The following TAPBP variants were observed in gnomAD, a reference collection of about 807,000 sequenced individuals.
The protein encoded by TAPBP is tapasin.
TAPBP carries 38 observed loss-of-function variants against 45.7 expected under a neutral mutation model. That is an observed-to-expected ratio of 0.83 (90% CI 0.64 to 1.09). TAPBP has a LOEUF of 1.09. TAPBP is among the 50% of genes least tolerant of loss of function. The pLI is 0.00. For synonymous variants in TAPBP, 226 were observed against 254.8 expected (o/e 0.89, Z 1.08); for missense variants, 513 against 587.3 (o/e 0.87, Z 1.31).
chr6:33,304,017 G>C, intron 6 of TAPBP, 28 bp from the exon 7 acceptor site: 1 of 1,613,856 alleles, frequency 6.2e-7, no homozygotes, highest in African/African-American at 1.3e-5. Flanking sequence ...GAAGGGATGG[G>C]ATGCTGGAGT....
intron 3 of TAPBP, among the ~76,000 whole-genome samples, chr6:33,307,394 CTTTTTTTT>C (rs9280398): frequency 3.4e-5 from 3 of 88,738 alleles, no homozygotes. Flanking sequence ...AGCCCTGCTT[CTTTTTTTT>C]TTTTTTTTTT....
At chr6:33,310,505 CAAAAAAAAAAA>C (rs9280402) in intron 3 of TAPBP, among the ~76,000 whole-genome samples, 1 of 47,858 alleles carries the variant, frequency 2.1e-5, no homozygotes, top group African/African-American at 8.8e-5. Context: ...GACTCTGTCT[CAAAAAAAAAAA>C]AAAAAAAAAA....
chr6:33,299,768 G>C lies in TAPBP; in HGVS notation c.*1992C>G, dbSNP rs929633777. 6.6e-6 allele frequency: 1 copy of C among 152,374 alleles called. No homozygotes were observed. Among genetic ancestry groups the C allele is most frequent in the African/African-American group, 2.4e-5 (1 of 41,464 alleles). The allele number at this position is 152,374 out of a possible 1,614,324, so 9.4% of individuals were successfully genotyped here. On this transcript the variant is annotated 3_prime_UTR_variant, in exon 8 of 8. Coordinates refer to ENST00000434618, the MANE Select transcript of TAPBP (RefSeq NM_003190.5). This position sits in a 1 kb window ranked among gnomAD's most constrained non-coding sequence, Gnocchi z 5.0. ...CCCCGTGGGTCTGGCCGACCGTCCTGACTCGGAGATCCCTGAGCTGCGCCG... is the reference window on the plus strand; with the variant it reads ...CCCCGTGGGTCTGGCCGACCGTCCTCACTCGGAGATCCCTGAGCTGCGCCG...
At chr6:33,307,850 G>T (rs2150965694) in intron 3 of TAPBP, among the ~76,000 whole-genome samples, 1 of 152,290 alleles carries the variant, frequency 6.6e-6, no homozygotes, top group East Asian at 1.9e-4. Flanking sequence ...TGCATATAAA[G>T]TGCTTAGAAC....
At chr6:33,308,334 G>A (rs974675796) in intron 3 of TAPBP, among the ~76,000 whole-genome samples, 2 of 151,970 alleles carry the variant, frequency 1.3e-5, no homozygotes, top group African/African-American at 2.4e-5. Flanking sequence ...GTGAAACTCC[G>A]TCTCAAAAAA....
At chr6:33,303,552 C>A (rs1414718493) in intron 7 of TAPBP, 1 of 605,462 alleles carries the variant, frequency 1.7e-6, no homozygotes, top group Non-Finnish European at 2.8e-6. Flanking sequence ...CTGAAAAAAT[C>A]CAACATCCAA....
chr6:33,305,370 T>C lies in TAPBP; in HGVS notation c.487A>G (p.Thr163Ala), dbSNP rs544845545. 6.6e-7 allele frequency: 1 copy of C among 1,526,044 alleles called. No homozygotes were observed. The highest frequency in any genetic ancestry group is 1.4e-5 in the African/African-American group (1 of 71,428). 94.5% of individuals were successfully genotyped at this position (1,526,044 alleles called of 1,614,324 possible). ...TMATVVLTVL[T>A]HTPAPRVRLG... ...CTCACTCGAGGGGCAGGGGTGTGGG[T>C]GAGGACAGTCAGTACCACTGAGGAA... Residue 163 changes from threonine (T) to alanine (A), a missense_variant, in exon 4 of 8, where the codon ACC (threonine) becomes GCC (alanine). Physicochemically the swap from Thr to Ala is moderately conservative, Grantham distance 58. Transcript: ENST00000434618. The surrounding 1 kb of genome is among the most constrained non-coding windows in gnomAD (Gnocchi z 4.4).
Position 33,313,429 on chromosome 6 carries a change from G to A in TAPBP, c.257C>T (p.Ala86Val), listed in dbSNP as rs753548923. The change falls in exon 3 of 8, where the codon GCC becomes GTC. Residue 86 changes from alanine to valine, a missense_variant. Physicochemically the swap from Ala to Val is moderately conservative, Grantham distance 64 (BLOSUM62 0). Coordinates refer to ENST00000434618, the MANE Select transcript of TAPBP (RefSeq NM_003190.5). This position sits in a 1 kb window ranked among gnomAD's most constrained non-coding sequence, Gnocchi z 7.2. ...QAAFRRYPRG[A>V]PAPHCEMSRF... is the part of the protein sequence containing the mutation. ...GCTCATCTCGCAGTGTGGTGCGGGG[G>A]CGCCCCGGGGATACCGCCTGAAGGC... is the stretch of plus-strand genomic sequence containing the variant. 2 of 1,600,322 alleles carry A rather than the reference G, an allele frequency of 1.2e-6. No homozygotes were observed. Among genetic ancestry groups the A allele is most frequent in the East Asian group, 2.3e-5 (1 of 44,434 alleles).
At chr6:33,306,416 C>G (rs975117108) in intron 3 of TAPBP, among the ~76,000 whole-genome samples, 5 of 152,228 alleles carry the variant, frequency 3.3e-5, no homozygotes, top group South Asian at 2.1e-4. Context: ...GAATGGTGAA[C>G]AAGACAAGCA....
In TAPBP at chr6:33,313,711, A is replaced by G. The variant is rs1254441707; in HGVS notation, c.191T>C (p.Leu64Pro). The G allele has an allele frequency of 1.2e-6, 2 of 1,612,992 alleles. No homozygotes were observed. ...PPPRPDLDPELYLSVHDPAGA... is the reference protein window; with the variant it reads ...PPPRPDLDPEPYLSVHDPAGA... ...AGACTCACCGTGTACACTGAGATAGAGCTCAGGGTCGAGGTCCGGCCGGGG... is the reference window on the plus strand; with the variant it reads ...AGACTCACCGTGTACACTGAGATAGGGCTCAGGGTCGAGGTCCGGCCGGGG... Residue 64 changes from leucine to proline, a missense_variant, in exon 2 of 8, where the codon CTC becomes CCC. Physicochemically the swap from Leu to Pro is moderately conservative, Grantham distance 98. Coordinates refer to ENST00000434618, the MANE Select transcript of TAPBP (RefSeq NM_003190.5). The surrounding 1 kb of genome is among the most constrained non-coding windows in gnomAD (Gnocchi z 7.2).
intron 7 of TAPBP, among the ~76,000 whole-genome samples, chr6:33,303,011 A>G (rs1237413069): frequency 6.6e-6 from 1 of 152,216 alleles, no homozygotes; most frequent in Non-Finnish European, 1.5e-5. Flanking sequence ...TCGCCGATCC[A>G]AAACTCTAAA....
At chr6:33,309,810 C>T (rs575580895) in intron 3 of TAPBP, among the ~76,000 whole-genome samples, 36 of 149,026 alleles carry the variant, frequency 2.4e-4, no homozygotes, top group African/African-American at 7.7e-4. Flanking sequence ...CTGCAACCTC[C>T]GCCTCCCAGG....
In TAPBP at chr6:33,303,993, T is replaced by G; in HGVS notation, c.1301-4A>C. On this transcript the variant is annotated splice_region_variant and splice_polypyrimidine_tract_variant and intron_variant, in intron 6 of 7. Transcript: ENST00000434618. Reference sequence around the variant, plus strand: ...TTGCAGGTGGACAGGTAGACAGCTGTGGGGAAAGATTGAGAAGGGATGGGA... The same window carrying G: ...TTGCAGGTGGACAGGTAGACAGCTGGGGGGAAAGATTGAGAAGGGATGGGA... 6.2e-7 allele frequency: 1 copy of G among 1,613,328 alleles called. No individual in the cohort carries two copies. Among genetic ancestry groups the G allele is most frequent in the Non-Finnish European group, 8.5e-7 (1 of 1,179,850 alleles).
chr6:33,311,794 A>C (rs191049384), intron 3 of TAPBP, among the ~76,000 whole-genome samples: 96 of 152,238 alleles, frequency 6.3e-4, no homozygotes, highest in African/African-American at 2.2e-3. Flanking sequence ...TCCGTGGCAA[A>C]TACGCCCAGA....
In TAPBP at chr6:33,305,196, T is replaced by C. The variant is rs1461036642; in HGVS notation, c.661A>G (p.Thr221Ala). ...LGKGHLLLAA[T>A]PGLNGQMPAA... The stretch of plus-strand genomic sequence containing the variant: ...GGCATCTGGCCATTCAGCCCAGGAG[T>C]TGCAGCCAGGAGCAGATGTCCCTTA... Residue 221 changes from threonine (T) to alanine (A), a missense_variant, in exon 4 of 8, where the codon ACT becomes GCT. Physicochemically the swap from Thr to Ala is moderately conservative, Grantham distance 58. Transcript: ENST00000434618. This position sits in a 1 kb window ranked among gnomAD's most constrained non-coding sequence, Gnocchi z 4.4. The C allele has an allele frequency of 6.2e-7, 1 of 1,613,668 alleles. No homozygotes were observed. The highest frequency in any genetic ancestry group is 1.7e-5 in the Admixed American group (1 of 59,976).
At chr6:33,309,362 G>A (rs1424395340) in intron 3 of TAPBP, among the ~76,000 whole-genome samples, 1 of 148,002 alleles carries the variant, frequency 6.8e-6, no homozygotes, top group Non-Finnish European at 1.5e-5. Context: ...TCCAGACTGG[G>A]CAACAAGAGC....
intron 3 of TAPBP, among the ~76,000 whole-genome samples, chr6:33,311,610 CAA>C (rs1353329279): frequency 1.3e-5 from 2 of 152,062 alleles, no homozygotes; most frequent in African/African-American, 4.8e-5. Flanking sequence ...GCCTGGGCAA[CAA>C]GAGCAAAACT....
intron 6 of TAPBP, 47 bp downstream of exon 6, chr6:33,304,081 A>G (rs775432139): frequency 1.2e-6 from 2 of 1,610,100 alleles, no homozygotes; most frequent in African/African-American, 1.3e-5. Flanking sequence ...GTAGGTGGGG[A>G]AAGTCCACCA....
At chr6:33,304,919 T>C in intron 4 of TAPBP, 70 bp downstream of exon 4, 1 of 1,569,924 alleles carries the variant, frequency 6.4e-7, no homozygotes, top group South Asian at 1.2e-5. Context: ...CCATCATCCC[T>C]CCCCCTATTA....
Sources: gnomAD v4.1 joint callset for allele counts (sites outside exome capture counted in the v4.1 genomes callset) on GRCh38, gnomAD v4.1.1 for gene constraint, Gnocchi (gnomAD v3.1) non-coding constraint, MANE v1.5 for transcripts, NCBI Gene and HGNC (gene_info 2026-07-23, HGNC 2026-07-21) for gene names.